Variants in DCDC2B observed in about 807,000 individuals in gnomAD.
The protein encoded by DCDC2B is doublecortin domain containing 2B.
Under a neutral mutation model 38.9 loss-of-function variants are expected in DCDC2B, and 41 were observed. The ratio of observed to expected loss-of-function variants is 1.05; its 90% CI spans 0.82 to 1.37. The LOEUF (loss-of-function observed/expected upper bound fraction) is 1.37, where lower values mean the gene tolerates loss of function less well. DCDC2B is among the 40% of genes most tolerant of loss of function. The pLI, the probability that DCDC2B is intolerant of heterozygous loss-of-function variation, is 0.00. For synonymous variants in DCDC2B, 181 were observed against 171.9 expected (o/e 1.05, Z -0.41); for missense variants, 453 against 427.2 (o/e 1.06, Z -0.53).
chr1:32,214,312 C>CA (rs58837364), intron 6 of DCDC2B, among the ~76,000 whole-genome samples: 1,937 of 50,848 alleles, frequency 0.038, 69 homozygotes, highest in Non-Finnish European at 0.05. Context: ...ACTCAAGTCT[C>CA]AAAAAAAAAA....
intron 1 of DCDC2B, among the ~76,000 whole-genome samples, chr1:32,210,511 AAG>A (rs1436492095): frequency 2.0e-5 from 3 of 151,816 alleles, no homozygotes; most frequent in African/African-American, 4.8e-5. Context: ...AAGAAAAAAA[AAG>A]AGAAAAAAAG....
Position 32,211,259 on chromosome 1 carries a change from T to C in DCDC2B, c.267-13T>C. The C allele has an allele frequency of 6.2e-7, 1 of 1,613,656 alleles. No homozygotes were observed. The highest frequency in any genetic ancestry group is 8.5e-7 in the Non-Finnish European group (1 of 1,179,686). ...TCTCCACAAGATGACCTGTGATCTA[T>C]CTGTCCTTTCAGCTATTTACCCCAT... On this transcript the variant is annotated splice_polypyrimidine_tract_variant and intron_variant, in intron 1 of 8. Transcript: ENST00000409358.
At chr1:32,210,597 G>A (rs764619238) in intron 1 of DCDC2B, among the ~76,000 whole-genome samples, 4 of 152,122 alleles carry the variant, frequency 2.6e-5, no homozygotes, top group South Asian at 2.1e-4. Flanking sequence ...CTTTGGGCAA[G>A]TCACTTAATT....
Position 32,212,070 on chromosome 1 carries a change from T to C in DCDC2B, c.396T>C (p.His132=). ...CCCCTTACCAGGCTTTTTGTCTCAG[T>C]GTGTTCAGGAATGGGGACCTGGTAA... ...QLPAGAPSYI[H]VFRNGDLVSP... is the part of the protein sequence containing the mutation. Residue 132 remains histidine, a splice_region_variant and synonymous_variant, in exon 4 of 9, where the codon CAT becomes CAC. Transcript: ENST00000409358. 1 of 1,610,784 alleles carries C rather than the reference T, an allele frequency of 6.2e-7. No homozygotes were observed.
Position 32,211,776 on chromosome 1 carries a change from C to G in DCDC2B, c.334C>G (p.Arg112Gly), listed in dbSNP as rs202211725. Residue 112 changes from arginine (R) to glycine (G), a missense_variant, in exon 3 of 9, where the codon CGC (arginine) becomes GGC (glycine). By Grantham distance (125) the Arg-to-Gly change is moderately radical (BLOSUM62 -2). Transcript: ENST00000409358. ...TGGGTTTCAGGGTCCTCCCGTGACT[C>G]GCCACTTGTGTGATGGGGCCATTGG... ...SCRLQGPPVTRHLCDGAIGRQ... is the reference protein window; with the variant it reads ...SCRLQGPPVTGHLCDGAIGRQ... 292 of 1,609,412 alleles carry G rather than the reference C, an allele frequency of 1.8e-4. 1 individual carries two copies. In the East Asian group the frequency reaches 6.5e-3, roughly 36 times the overall value.
chr1:32,212,742 T>C lies in DCDC2B; in HGVS notation c.675-12T>C, dbSNP rs1643641518. On this transcript the variant is annotated splice_polypyrimidine_tract_variant and intron_variant, in intron 5 of 8. Transcript: ENST00000409358. ...CTCTGCCCACTACAAGCCTTTCCTT[T>C]TGTCATTGTAGGCAACCTCCAGGCT... 1 of 1,613,868 alleles carries C rather than the reference T, an allele frequency of 6.2e-7. No homozygotes were observed. The highest frequency in any genetic ancestry group is 1.7e-5 in the Admixed American group (1 of 60,004).
At chr1:32,214,004 A>C (rs1207287734) in intron 6 of DCDC2B, among the ~76,000 whole-genome samples, 6 of 151,806 alleles carry the variant, frequency 4.0e-5, no homozygotes, top group African/African-American at 1.5e-4. Flanking sequence ...AGAGGTGGAA[A>C]CTGAAGCTGA....
rs538228060 is a variant in DCDC2B at position 32,210,835 on chromosome 1, C to T, written c.267-437C>T. 2.0e-5 allele frequency among the ~76,000 whole-genome samples: 3 copies of T among 152,252 alleles called. No individual in the cohort carries two copies. In the East Asian group the frequency reaches 5.8e-4, roughly 29 times the overall value. The stretch of plus-strand genomic sequence containing the variant: ...GCTCACGCAATCCTCCTGCCTCAGC[C>T]TCCCAAGTAGCTGGGGCCACAGGTG... On this transcript the variant is annotated intron_variant, in intron 1 of 8. Coordinates refer to ENST00000409358, the MANE Select transcript of DCDC2B (RefSeq NM_001099434.2).
chr1:32,214,927 C>T lies in DCDC2B; in HGVS notation c.845C>T (p.Pro282Leu), dbSNP rs762924298. ...AGCAAGCTCCCCACACTCTCATTCC[C>T]ATCAGGTGAGGGGTCCCTGGGGCTC... The part of the protein sequence containing the change: ...PRSKLPTLSF[P>L]SGVIGVYGAP... Residue 282 changes from proline (P) to leucine (L), a missense_variant, in exon 7 of 9, where the codon CCA (proline) becomes CTA (leucine). Transcript: ENST00000409358. The T allele has an allele frequency of 1.9e-6, 3 of 1,613,972 alleles. No homozygotes were observed. The highest frequency in any genetic ancestry group is 3.3e-5 in the Admixed American group (2 of 60,016).
Position 32,211,345 on chromosome 1 carries a change from C to T in DCDC2B, c.318+22C>T, listed in dbSNP as rs768252289. 10 of 1,612,918 alleles carry T rather than the reference C, an allele frequency of 6.2e-6. No individual in the cohort carries two copies. In the African/African-American group the frequency reaches 8.0e-5, roughly 13 times the overall value. On this transcript the variant is annotated intron_variant, in intron 2 of 8. Transcript: ENST00000409358. Reference sequence around the variant, plus strand: ...ACAAGTGAGTCCCGGGGAACCTGTGCCCCAGCCCCTCTGTCTTCCCACTCC... The same window carrying T: ...ACAAGTGAGTCCCGGGGAACCTGTGTCCCAGCCCCTCTGTCTTCCCACTCC...
chr1:32,213,669 C>T (rs1387941212), intron 6 of DCDC2B, among the ~76,000 whole-genome samples: 6 of 151,902 alleles, frequency 3.9e-5, no homozygotes, highest in Non-Finnish European at 5.9e-5. Context: ...CCACCATGCC[C>T]GGTTAATTTT....
At chr1:32,214,565 A>G (rs1283941312) in intron 6 of DCDC2B, 5 of 545,352 alleles carry the variant, frequency 9.2e-6, no homozygotes, top group African/African-American at 1.9e-5. Context: ...GGGGAAGCAC[A>G]GTCTGGTTTC....
Position 32,209,185 on chromosome 1 carries a change from G to T in DCDC2B, c.92G>T (p.Arg31Leu). Reference sequence around the variant, plus strand: ...GGCTCCCAGCTGGTGGTGACTCAACGCCGCTTCCCCACCATGGAGGCCTTC... The same window carrying T: ...GGCTCCCAGCTGGTGGTGACTCAACTCCGCTTCCCCACCATGGAGGCCTTC... The part of the protein sequence containing the change: ...FPGSQLVVTQ[R>L]RFPTMEAFLC... The change falls in exon 1 of 9, where the codon CGC (arginine) becomes CTC (leucine). Residue 31 changes from arginine (R) to leucine (L), a missense_variant. By Grantham distance (102) the Arg-to-Leu change is moderately radical. Coordinates refer to ENST00000409358, the MANE Select transcript of DCDC2B (RefSeq NM_001099434.2). 3 of 1,614,000 alleles carry T rather than the reference G, an allele frequency of 1.9e-6. No individual in the cohort carries two copies. The highest frequency in any genetic ancestry group is 2.5e-6 in the Non-Finnish European group (3 of 1,179,884).
chr1:32,209,413 C>T (rs952808854), intron 1 of DCDC2B, 54 bp downstream of exon 1: 15 of 1,593,692 alleles, frequency 9.4e-6, no homozygotes, highest in African/African-American at 5.3e-5. Context: ...ACGGCAAGAG[C>T]GTGTATTCAG....
chr1:32,214,984 A>G, intron 7 of DCDC2B, 52 bp downstream of exon 7: 2 of 1,609,636 alleles, frequency 1.2e-6, no homozygotes, highest in Non-Finnish European at 1.7e-6. Flanking sequence ...TGACAGTGAC[A>G]TAGGTTGGTC....
chr1:32,214,037 C>T (rs190402302), intron 6 of DCDC2B, among the ~76,000 whole-genome samples: 209 of 151,920 alleles, frequency 1.4e-3, no homozygotes, highest in African/African-American at 4.9e-3. Context: ...GCCTTGGGCA[C>T]GATGGCTCAC....
intron 8 of DCDC2B, 33 bp downstream of exon 8, chr1:32,215,576 G>A (rs755727615): frequency 5.6e-6 from 9 of 1,597,254 alleles, no homozygotes; most frequent in Non-Finnish European, 6.8e-6. Context: ...AGTATGTTGG[G>A]GTGGGAGGAG....
chr1:32,209,164 C>A lies in DCDC2B; in HGVS notation c.71C>A (p.Ser24Tyr), dbSNP rs1376293322. ...AATGGGGACCCATTCTTCCCAGGCT[C>A]CCAGCTGGTGGTGACTCAACGCCGC... ...YRNGDPFFPGSQLVVTQRRFP... is the reference protein window; with the variant it reads ...YRNGDPFFPGYQLVVTQRRFP... The change falls in exon 1 of 9, where the codon TCC becomes TAC. Residue 24 changes from serine to tyrosine, a missense_variant. By Grantham distance (144) the Ser-to-Tyr change is moderately radical (BLOSUM62 -2). Coordinates refer to ENST00000409358, the MANE Select transcript of DCDC2B (RefSeq NM_001099434.2). 6 of 1,614,008 alleles carry A rather than the reference C, an allele frequency of 3.7e-6. No homozygotes were observed. The highest frequency in any genetic ancestry group is 4.2e-6 in the Non-Finnish European group (5 of 1,179,890).
intron 2 of DCDC2B, 48 bp from the exon 3 acceptor site, chr1:32,211,713 A>G (rs1237051159): frequency 1.3e-6 from 2 of 1,559,692 alleles, no homozygotes; most frequent in South Asian, 1.2e-5. Flanking sequence ...CCCACCCCTA[A>G]CCAAAGGCCC....
Sources: gnomAD v4.1 joint callset for allele counts (sites outside exome capture counted in the v4.1 genomes callset) on GRCh38, gnomAD v4.1.1 for gene constraint, MANE v1.5 for transcripts, NCBI Gene and HGNC (gene_info 2026-07-23, HGNC 2026-07-21) for gene names.